NSUN6: variants seen among roughly 807,000 people sequenced by gnomAD.
NSUN6 encodes tRNA (cytosine(72)-C(5))-methyltransferase NSUN6.
Under a neutral mutation model 58.0 loss-of-function variants are expected in NSUN6, and 64 were observed. The ratio of observed to expected loss-of-function variants is 1.10; its 90% CI spans 0.90 to 1.36. The LOEUF (loss-of-function observed/expected upper bound fraction) is 1.36, where lower values mean the gene tolerates loss of function less well. NSUN6 is among the 40% of genes most tolerant of loss of function. The probability of loss-of-function intolerance (pLI) is 0.00; values close to 1 mark genes in which losing one functional copy is unlikely to be tolerated. For missense variants in NSUN6, 701 were observed against 550.1 expected, an observed-to-expected ratio of 1.27 and a Z score of -2.74; for synonymous variants, 231 against 193.9, an observed-to-expected ratio of 1.19 and a Z score of -1.59.
intron 3 of NSUN6, among the ~76,000 whole-genome samples, chr10:18,622,635 G>A (rs554082398): frequency 9.2e-5 from 14 of 152,180 alleles, no homozygotes; most frequent in Non-Finnish European, 1.2e-4. Context: ...GCTTGAACAC[G>A]GAGGTGGAAG....
intron 3 of NSUN6, among the ~76,000 whole-genome samples, chr10:18,636,846 T>A (rs11015263): frequency 0.56 from 84,979 of 150,746 alleles, 24,450 homozygotes; most frequent in East Asian, 0.96. Context: ...CCAAGGTCAC[T>A]TCACTGCACT....
intron 2 of NSUN6, among the ~76,000 whole-genome samples, chr10:18,646,546 G>C (rs4748501): frequency 2.9e-5 from 1 of 34,242 alleles, no homozygotes; most frequent in Non-Finnish European, 6.1e-5. Flanking sequence ...ATTTGTTGTG[G>C]AAAAAAAAAA....
intron 5 of NSUN6, among the ~76,000 whole-genome samples, chr10:18,611,416 A>G (rs2058231114): frequency 6.7e-6 from 1 of 148,462 alleles, no homozygotes. Context: ...TACTCTATCT[A>G]ATGTTGGCAG....
At chr10:18,593,589 C>T (rs912499966) in intron 7 of NSUN6, among the ~76,000 whole-genome samples, 1 of 152,076 alleles carries the variant, frequency 6.6e-6, no homozygotes. Context: ...TTATCATTCT[C>T]AGCAAACTAA....
intron 3 of NSUN6, among the ~76,000 whole-genome samples, chr10:18,635,328 G>A (rs893554493): frequency 2.0e-5 from 3 of 152,138 alleles, no homozygotes; most frequent in Admixed American, 2.0e-4. Context: ...TTAGCCATTA[G>A]TGTGACTGTA....
intron 8 of NSUN6, among the ~76,000 whole-genome samples, chr10:18,572,819 C>T (rs1000330942): frequency 9.4e-5 from 14 of 149,452 alleles, no homozygotes; most frequent in African/African-American, 2.5e-4. Flanking sequence ...CCCTTCCATC[C>T]TCCATTCCAT....
chr10:18,577,119 G>T (rs1351144880), intron 8 of NSUN6, among the ~76,000 whole-genome samples: 2 of 152,158 alleles, frequency 1.3e-5, no homozygotes, highest in Non-Finnish European at 2.9e-5. Context: ...CACTACAGAT[G>T]CTGTTAAAGG....
At chr10:18,605,791 A>G (rs2058027245) in intron 6 of NSUN6, among the ~76,000 whole-genome samples, 1 of 152,220 alleles carries the variant, frequency 6.6e-6, no homozygotes, top group Admixed American at 6.5e-5. Flanking sequence ...AGTATGAAAC[A>G]TCATACAACC....
intron 8 of NSUN6, among the ~76,000 whole-genome samples, chr10:18,566,237 C>T (rs1469224839): frequency 1.3e-5 from 2 of 148,322 alleles, no homozygotes; most frequent in African/African-American, 4.9e-5. Context: ...ATTCCGCAAT[C>T]CATTCCATTC....
Position 18,642,563 on chromosome 10 carries a change from A to C in NSUN6, c.232-8T>G, listed in dbSNP as rs759845393. The C allele has an allele frequency of 7.4e-7, 1 of 1,350,348 alleles. No individual in the cohort carries two copies. The highest frequency in any genetic ancestry group is 1.1e-6 in the Non-Finnish European group (1 of 944,216). 83.6% of individuals were successfully genotyped at this position (1,350,348 alleles called of 1,614,324 possible). ...ACTTAATCCATTAAACTGCTGTTAA[A>C]GATAAACATGATTATAAAGTAATCC... is the stretch of plus-strand genomic sequence containing the variant. On this transcript the variant is annotated splice_polypyrimidine_tract_variant and splice_region_variant and intron_variant, in intron 2 of 10. Transcript: ENST00000377304.
chr10:18,606,743 G>A (rs988022107), intron 6 of NSUN6, among the ~76,000 whole-genome samples: 1 of 152,204 alleles, frequency 6.6e-6, no homozygotes, highest in South Asian at 2.1e-4. Flanking sequence ...AACCTGATGA[G>A]AGGAAGTAGA....
chr10:18,572,390 C>T (rs539111879), intron 8 of NSUN6, among the ~76,000 whole-genome samples: 159 of 151,110 alleles, frequency 1.1e-3, no homozygotes, highest in African/African-American at 3.7e-3. Context: ...TTTTCTATTC[C>T]ATTCCATTCC....
chr10:18,616,443 G>A (rs1390125760), intron 3 of NSUN6, 150 bp from the exon 4 acceptor site: 7 of 496,634 alleles, frequency 1.4e-5, no homozygotes, highest in African/African-American at 5.9e-5. Flanking sequence ...TACATATAGA[G>A]GAAACAGGAA....
At chr10:18,655,188 C>T (rs1409782130), upstream of NSUN6, 1 of 972,934 alleles carries the variant, frequency 1.0e-6, no homozygotes, top group Non-Finnish European at 1.2e-6. Context: ...AAGAAAGGAA[C>T]AAACAACATA....
chr10:18,650,905 T>C (rs1259436121), intron 1 of NSUN6, among the ~76,000 whole-genome samples: 1 of 152,228 alleles, frequency 6.6e-6, no homozygotes, highest in Non-Finnish European at 1.5e-5. Flanking sequence ...ATGCCTTTTT[T>C]CCCTTCTTTT....
upstream of NSUN6, chr10:18,651,945 T>C: frequency 1.0e-6 from 1 of 985,414 alleles, no homozygotes; most frequent in Non-Finnish European, 1.2e-6. Context: ...CTGCCAGATG[T>C]CCTCCAGTTA....
intron 3 of NSUN6, among the ~76,000 whole-genome samples, chr10:18,620,992 T>C (rs2058585787): frequency 6.6e-6 from 1 of 152,254 alleles, no homozygotes; most frequent in African/African-American, 2.4e-5. Context: ...GCCTGATCTG[T>C]TATCTTTGAA....
At chr10:18,658,970 G>A (rs1428813138), upstream of NSUN6, among the ~76,000 whole-genome samples, 1 of 152,222 alleles carries the variant, frequency 6.6e-6, no homozygotes, top group Admixed American at 6.5e-5. Flanking sequence ...TAGGGGAACA[G>A]GAATAAGTCA....
In NSUN6 at chr10:18,571,499, T is replaced by C. The variant is rs1189942238; in HGVS notation, c.922+14450A>G. 4.6e-5 allele frequency among the ~76,000 whole-genome samples: 7 copies of C among 151,606 alleles called. No homozygotes were observed. In the East Asian group the frequency reaches 5.8e-4, roughly 13 times the overall value. Reference sequence around the variant, plus strand: ...CCATTCCATTCCCTTCCCCTTTCCATTCCATTCCCCATTCTATTCCATTCC... The same window carrying C: ...CCATTCCATTCCCTTCCCCTTTCCACTCCATTCCCCATTCTATTCCATTCC... On this transcript the variant is annotated intron_variant, in intron 8 of 10. Coordinates refer to ENST00000377304, the MANE Select transcript of NSUN6 (RefSeq NM_182543.5).
Sources: allele counts gnomAD v4.1 joint callset (sites outside exome capture counted in the v4.1 genomes callset), GRCh38; gene constraint gnomAD v4.1.1; transcripts MANE v1.5; gene names NCBI Gene and HGNC (gene_info 2026-07-23, HGNC 2026-07-21).